Variants in DAB1 observed in about 807,000 individuals in gnomAD.
DAB1 encodes the protein DAB adaptor protein 1.
Under a neutral mutation model 64.6 loss-of-function variants are expected in DAB1, and 15 were observed. That is an observed-to-expected ratio of 0.23 (90% CI 0.16 to 0.36). The LOEUF is 0.36. Ranked by LOEUF, DAB1 falls within the 10% of genes least tolerant of loss-of-function variation. The probability of loss-of-function intolerance (pLI) is 1.00; values close to 1 mark genes in which losing one functional copy is unlikely to be tolerated. For synonymous variants in DAB1, 235 were observed against 251.9 expected (o/e 0.93, Z 0.64); for missense variants, 596 against 706.7 (o/e 0.84, Z 1.78).
chr1:58,488,394 T>C (rs960950476), intron 3 of DAB1, among the ~76,000 whole-genome samples: 6 of 152,206 alleles, frequency 3.9e-5, no homozygotes, highest in African/African-American at 1.4e-4. Context: ...AGTTCTTAAA[T>C]GGTGACTTCT....
rs541438564 is a variant in DAB1 at position 57,796,542 on chromosome 1, A to G, written n.551+87457T>C. Reference sequence around the variant, plus strand: ...ACTCCGTCTCAATAATAACAATGATAATAATAATAATAATAATAATCATAA... The same window carrying G: ...ACTCCGTCTCAATAATAACAATGATGATAATAATAATAATAATAATCATAA... On this transcript the variant is annotated intron_variant and non_coding_transcript_variant, in intron 6 of 20. Transcript: ENST00000485760. Among the ~76,000 whole-genome samples the G allele has an allele frequency of 3.9e-4, 55 of 141,504 alleles. No homozygotes were observed. The South Asian group carries it at 4.7e-3, about 12-fold the overall frequency. 92.8% of individuals were successfully genotyped at this position (141,504 alleles called of 152,430 possible). A position where few individuals can be genotyped will look rare whatever the true frequency, so the allele number is the denominator to read the frequency against.
At chr1:57,400,832 A>T (rs375120572) in intron 1 of DAB1, among the ~76,000 whole-genome samples, 29 of 152,192 alleles carry the variant, frequency 1.9e-4, no homozygotes, top group African/African-American at 6.7e-4. Flanking sequence ...CGTCTCAGGC[A>T]CTGACGTTGA....
chr1:57,142,063 A>G (rs1170634379), intron 3 of DAB1, among the ~76,000 whole-genome samples: 2 of 152,182 alleles, frequency 1.3e-5, no homozygotes, highest in Non-Finnish European at 2.9e-5. Flanking sequence ...AATATATGTG[A>G]AAATGCTTTA....
In DAB1 at chr1:57,951,317, C is replaced by CATATATATATATATATAT. The variant is rs150140800; in HGVS notation, n.388-67156_388-67155insATATATATATATATATAT. On this transcript the variant is annotated intron_variant and non_coding_transcript_variant, in intron 5 of 20. Transcript: ENST00000485760. ...CAGATCCGGGAAGAGGAGCCTGATT[C>CATATATATATATATATAT]ATATATATATATATACTTCCCTGGA... Among the ~76,000 whole-genome samples, 589 of 69,824 alleles carry CATATATATATATATATAT rather than the reference C, an allele frequency of 8.4e-3. 75 individuals are homozygous for CATATATATATATATATAT. Among genetic ancestry groups the CATATATATATATATATAT allele is most frequent in the African/African-American group, 0.023 (557 of 24,240 alleles). 45.8% of individuals were successfully genotyped at this position (69,824 alleles called of 152,430 possible). A position where few individuals can be genotyped will look rare whatever the true frequency, so the allele number is the denominator to read the frequency against.
chr1:57,603,505 G>A (rs1645600163), intron 7 of DAB1, among the ~76,000 whole-genome samples: 1 of 152,198 alleles, frequency 6.6e-6, no homozygotes. Flanking sequence ...CAGTCTTCCT[G>A]TTTGATAAAT....
At chr1:57,630,247 C>G (rs1645972364) in intron 7 of DAB1, among the ~76,000 whole-genome samples, 2 of 152,182 alleles carry the variant, frequency 1.3e-5, no homozygotes, top group South Asian at 4.2e-4. Context: ...TTTCACAGAC[C>G]TAAAGAATCA....
intron 4 of DAB1, among the ~76,000 whole-genome samples, chr1:57,131,880 G>A (rs771234521): frequency 4.6e-5 from 7 of 151,952 alleles, no homozygotes; most frequent in Non-Finnish European, 7.4e-5. Context: ...AAGTATTAGC[G>A]GGCACCAGCT....
chr1:57,331,711 C>A (rs1050858965), intron 1 of DAB1, among the ~76,000 whole-genome samples: 8 of 152,214 alleles, frequency 5.3e-5, no homozygotes, highest in Admixed American at 1.3e-4. Flanking sequence ...CTTTAAAAGA[C>A]AAATTCTCAA....
chr1:57,467,468 T>C (rs1686989620), intron 7 of DAB1, among the ~76,000 whole-genome samples: 1 of 152,192 alleles, frequency 6.6e-6, no homozygotes, highest in Non-Finnish European at 1.5e-5. Context: ...AGTCAGAATT[T>C]GTATTGCAAC....
At chr1:57,430,501 G>A (rs1254328712) in intron 7 of DAB1, among the ~76,000 whole-genome samples, 1 of 151,532 alleles carries the variant, frequency 6.6e-6, no homozygotes. Context: ...TCAGCCTCCC[G>A]AGTAGGTGGG....
intron 5 of DAB1, among the ~76,000 whole-genome samples, chr1:58,069,030 A>G (rs1649056292): frequency 6.6e-6 from 1 of 152,158 alleles, no homozygotes; most frequent in Non-Finnish European, 1.5e-5. Flanking sequence ...ACACAAAGAC[A>G]TGTTGAAGGA....
At chr1:57,263,368 C>G (rs1670346403) in intron 2 of DAB1, among the ~76,000 whole-genome samples, 1 of 152,144 alleles carries the variant, frequency 6.6e-6, no homozygotes, top group Non-Finnish European at 1.5e-5. Context: ...GATCTGCCCA[C>G]TTTGGCCTCC....
intron 7 of DAB1, among the ~76,000 whole-genome samples, chr1:57,596,169 C>T (rs1645507157): frequency 6.6e-6 from 1 of 152,208 alleles, no homozygotes; most frequent in South Asian, 2.1e-4. Context: ...CTCCAAGGGA[C>T]ACCATTCGAA....
At chr1:57,095,499 T>C (rs1654075792) in intron 4 of DAB1, among the ~76,000 whole-genome samples, 1 of 152,192 alleles carries the variant, frequency 6.6e-6, no homozygotes, top group Non-Finnish European at 1.5e-5. Flanking sequence ...CAGATATACT[T>C]AGACTCCCCA....
chr1:57,069,728 T>C (rs1392958009), intron 7 of DAB1, among the ~76,000 whole-genome samples: 1 of 152,174 alleles, frequency 6.6e-6, no homozygotes, highest in Non-Finnish European at 1.5e-5. Context: ...AATACCTGAA[T>C]ACATTGGTAT....
chr1:58,262,682 G>A (rs1443598669), intron 4 of DAB1, among the ~76,000 whole-genome samples: 3 of 152,156 alleles, frequency 2.0e-5, no homozygotes, highest in Middle Eastern at 3.2e-3. Flanking sequence ...CAGTCATTAG[G>A]ACTGGACTGT....
chr1:58,297,406 G>A (rs559148604), intron 4 of DAB1, among the ~76,000 whole-genome samples: 1 of 152,302 alleles, frequency 6.6e-6, no homozygotes, highest in Non-Finnish European at 1.5e-5. Flanking sequence ...CCATGGTCTA[G>A]TGGACTGTTG....
intron 5 of DAB1, among the ~76,000 whole-genome samples, chr1:57,991,868 A>AAAAT (rs1161169826): frequency 1.3e-5 from 2 of 150,784 alleles, no homozygotes; most frequent in African/African-American, 4.9e-5. Context: ...AAAAAAAAAA[A>AAAAT]AGGAGTAGGC....
At chr1:58,190,527 G>A (rs1360883901) in intron 4 of DAB1, among the ~76,000 whole-genome samples, 1 of 152,120 alleles carries the variant, frequency 6.6e-6, no homozygotes, top group African/African-American at 2.4e-5. Context: ...CTCCTTTCCT[G>A]AATTCTTCTT....
Sources: allele counts gnomAD v4.1 joint callset (sites outside exome capture counted in the v4.1 genomes callset), GRCh38; gene constraint gnomAD v4.1.1; transcripts MANE v1.5; gene names NCBI Gene and HGNC (gene_info 2026-07-23, HGNC 2026-07-21).